The following WWOX variants were observed in gnomAD, a reference collection of about 807,000 sequenced individuals.
WWOX encodes the protein WW domain-containing oxidoreductase.
WWOX carries 69 observed loss-of-function variants against 46.2 expected under a neutral mutation model. That is an observed-to-expected ratio of 1.49 (90% CI 1.23 to 1.82). WWOX has a LOEUF of 1.82. Ranked by LOEUF, WWOX falls within the 40% of genes most tolerant of loss-of-function variation. The probability of loss-of-function intolerance (pLI) is 0.00; values close to 1 mark genes in which losing one functional copy is unlikely to be tolerated. For missense variants in WWOX, 919 were observed against 542.6 expected, an observed-to-expected ratio of 1.69 and a Z score of -6.89; for synonymous variants, 359 against 202.6, an observed-to-expected ratio of 1.77 and a Z score of -6.56.
chr16:78,833,048 T>G (rs1029876553), intron 8 of WWOX, among the ~76,000 whole-genome samples: 6 of 151,766 alleles, frequency 4.0e-5, no homozygotes, highest in Non-Finnish European at 7.4e-5. Flanking sequence ...TTTTTTTTTT[T>G]TTTCCTTTCT....
intron 1 of WWOX, among the ~76,000 whole-genome samples, chr16:78,104,196 G>C (rs375309322): frequency 6.8e-6 from 1 of 147,718 alleles, no homozygotes; most frequent in African/African-American, 2.5e-5. Context: ...TCACCGTGAA[G>C]TCTAGATCTC....
At chr16:78,965,150 G>C (rs2046341399) in intron 8 of WWOX, among the ~76,000 whole-genome samples, 1 of 152,354 alleles carries the variant, frequency 6.6e-6, no homozygotes, top group Non-Finnish European at 1.5e-5. Flanking sequence ...CTGCCCAGTG[G>C]ATCTGTGAGA....
chr16:78,790,502 C>G (rs1119562), intron 8 of WWOX, among the ~76,000 whole-genome samples: 120,193 of 152,098 alleles, frequency 0.79, 47,822 homozygotes, highest in Middle Eastern at 0.86. Flanking sequence ...GAAGGTCTAC[C>G]TACAACTTTA....
chr16:78,483,996 C>G (rs941396964), intron 8 of WWOX, among the ~76,000 whole-genome samples: 8 of 152,262 alleles, frequency 5.3e-5, no homozygotes, highest in African/African-American at 1.9e-4. Context: ...GCTTACCTTA[C>G]TTTTTAGACA....
intron 8 of WWOX, among the ~76,000 whole-genome samples, chr16:78,673,446 C>T (rs2047514798): frequency 6.6e-6 from 1 of 152,134 alleles, no homozygotes; most frequent in Non-Finnish European, 1.5e-5. Flanking sequence ...TCGGTAATGA[C>T]ACCAGCACCA....
intron 8 of WWOX, among the ~76,000 whole-genome samples, chr16:78,720,791 G>A (rs1158270856): frequency 6.6e-6 from 1 of 152,032 alleles, no homozygotes; most frequent in Non-Finnish European, 1.5e-5. Flanking sequence ...TACAAGCAGT[G>A]CCCAAGTGCC....
rs71384382 is a variant in WWOX at position 78,849,582 on chromosome 16, A to AAC, written c.1057-362025_1057-362024insCA. Among the ~76,000 whole-genome samples, 5 of 151,060 alleles carry AAC rather than the reference A, an allele frequency of 3.3e-5. 1 individual carries two copies. Among genetic ancestry groups the AAC allele is most frequent in the African/African-American group, 1.2e-4 (5 of 41,140 alleles). On this transcript the variant is annotated intron_variant, in intron 8 of 8. Transcript: ENST00000566780. ...GAGCCTGAATCCCTCTCAAAAAAAA[A>AAC]AAAAAAAAAAGAAAACAACTACAAC...
intron 8 of WWOX, among the ~76,000 whole-genome samples, chr16:78,977,498 A>G (rs779521621): frequency 6.6e-6 from 1 of 152,116 alleles, no homozygotes; most frequent in South Asian, 2.1e-4. Context: ...TATTTTCCCT[A>G]TTAGAATCCC....
chr16:79,126,202 C>A lies in WWOX; in HGVS notation c.1057-85406C>A, dbSNP rs146535643. 3.3e-4 allele frequency among the ~76,000 whole-genome samples: 50 copies of A among 151,996 alleles called. 1 individual carries two copies. The highest frequency in any genetic ancestry group is 5.8e-4 in the East Asian group (3 of 5,130). The stretch of plus-strand genomic sequence containing the variant: ...GAGGATGTGAGCTGAGGCTTGGAAC[C>A]AAGCAGAGCTTGGGCTTTGGGGTGC... On this transcript the variant is annotated intron_variant, in intron 8 of 8. Transcript: ENST00000566780.
intron 8 of WWOX, among the ~76,000 whole-genome samples, chr16:78,733,668 T>A (rs959881673): frequency 3.3e-5 from 5 of 151,274 alleles, no homozygotes; most frequent in African/African-American, 1.2e-4. Flanking sequence ...GGCAGGAGAA[T>A]GGTTTGAACT....
At chr16:78,842,395 C>A (rs1291279447) in intron 8 of WWOX, among the ~76,000 whole-genome samples, 2 of 151,124 alleles carry the variant, frequency 1.3e-5, no homozygotes, top group Non-Finnish European at 2.9e-5. Context: ...CTGAGCTGCT[C>A]GGGAGGCCAA....
In WWOX at chr16:78,916,109, G is replaced by C. The variant is rs115571774; in HGVS notation, c.1057-295499G>C. Among the ~76,000 whole-genome samples, 294 of 152,280 alleles carry C rather than the reference G, an allele frequency of 1.9e-3. 1 individual carries two copies. The highest frequency in any genetic ancestry group is 7.0e-3 in the African/African-American group (289 of 41,566). The stretch of plus-strand genomic sequence containing the variant: ...CAGAGGTGGTCAGATTCCCAGCACA[G>C]TGTACTCCCGCACAGATAACCGTCC... On this transcript the variant is annotated intron_variant, in intron 8 of 8. Transcript: ENST00000566780.
intron 8 of WWOX, among the ~76,000 whole-genome samples, chr16:78,534,052 C>G (rs2043697013): frequency 6.6e-6 from 1 of 152,100 alleles, no homozygotes; most frequent in Non-Finnish European, 1.5e-5. Context: ...TGGATATAAA[C>G]AATATTGTAA....
intron 8 of WWOX, among the ~76,000 whole-genome samples, chr16:79,162,746 C>T (rs532154823): frequency 1.3e-5 from 2 of 152,300 alleles, no homozygotes; most frequent in South Asian, 4.1e-4. Flanking sequence ...GACAAAAGGG[C>T]ATCCTGCAAA....
chr16:78,352,080 C>G (rs2081197086), intron 5 of WWOX, among the ~76,000 whole-genome samples: 1 of 152,130 alleles, frequency 6.6e-6, no homozygotes, highest in Admixed American at 6.5e-5. Flanking sequence ...TGGTGGCGCA[C>G]AAGAGGGTCA....
chr16:78,535,978 T>TTTC (rs1219782159), intron 8 of WWOX, among the ~76,000 whole-genome samples: 1 of 152,170 alleles, frequency 6.6e-6, no homozygotes, highest in African/African-American at 2.4e-5. Context: ...CACACAAAGC[T>TTTC]TTCAGGCAAG....
intron 8 of WWOX, among the ~76,000 whole-genome samples, chr16:78,990,554 CG>C (rs1278304168): frequency 6.6e-6 from 1 of 152,174 alleles, no homozygotes; most frequent in Non-Finnish European, 1.5e-5. Context: ...TTGTTTACAC[CG>C]GGGAGCCCCC....
intron 8 of WWOX, among the ~76,000 whole-genome samples, chr16:78,776,129 G>C (rs1375047570): frequency 6.6e-6 from 1 of 152,226 alleles, no homozygotes; most frequent in Non-Finnish European, 1.5e-5. Flanking sequence ...AAAAGGGAGA[G>C]AAGGGAATGC....
At chr16:78,176,304 C>T (rs938690342) in intron 5 of WWOX, among the ~76,000 whole-genome samples, 9 of 152,150 alleles carry the variant, frequency 5.9e-5, no homozygotes, top group African/African-American at 2.2e-4. Flanking sequence ...TCTTTGTAAC[C>T]CCTGTCCCTC....
Sources: gnomAD v4.1 joint callset for allele counts (sites outside exome capture counted in the v4.1 genomes callset) on GRCh38, gnomAD v4.1.1 for gene constraint, MANE v1.5 for transcripts, NCBI Gene and HGNC (gene_info 2026-07-23, HGNC 2026-07-21) for gene names.